LRP1B: variants seen among roughly 807,000 people sequenced by gnomAD.
LRP1B encodes the protein LDL receptor related protein 1B, also known as low-density lipoprotein receptor-related protein 1B.
In LRP1B, 217 loss-of-function variants were observed where a neutral mutation model predicts 556.6. The ratio of observed to expected loss-of-function variants is 0.39; its 90% CI spans 0.35 to 0.44. The LOEUF is 0.44. Among genes scored for constraint, LRP1B ranks in the 20% least tolerant of loss-of-function variants. The pLI is 1.00. For missense variants in LRP1B, 5,053 were observed against 5,620.8 expected (o/e 0.90, Z 3.23); for synonymous variants, 2,047 against 1,865.8 (o/e 1.10, Z -2.50).
At chr2:140,725,957 C>T (rs1030404047) in intron 35 of LRP1B, among the ~76,000 whole-genome samples, 1 of 152,062 alleles carries the variant, frequency 6.6e-6, no homozygotes, top group Admixed American at 6.6e-5. Flanking sequence ...AAATGGCTAC[C>T]CATTAGAACT....
chr2:140,733,785 T>C (rs1383071901), intron 35 of LRP1B, among the ~76,000 whole-genome samples: 1 of 152,182 alleles, frequency 6.6e-6, no homozygotes, highest in Non-Finnish European at 1.5e-5. Context: ...CATCAAAACT[T>C]AATGAAAGGC....
intron 3 of LRP1B, among the ~76,000 whole-genome samples, chr2:141,400,568 A>G (rs911452322): frequency 6.6e-6 from 1 of 152,184 alleles, no homozygotes; most frequent in Non-Finnish European, 1.5e-5. Context: ...TACACCTAAC[A>G]TTTGAGTCAA....
rs2105138090 is a variant in LRP1B, at chr2:140,358,873, C to T, written c.11205G>A (p.Met3735Ile). The change falls in exon 73 of 91, where the codon ATG becomes ATA. Residue 3735 changes from methionine (M) to isoleucine (I), a missense_variant. This residue lies in a region of LRP1B where 599 missense variants were observed against 648.4 expected (regional missense o/e 0.92). Coordinates refer to ENST00000389484, the MANE Select transcript of LRP1B (RefSeq NM_018557.3). Reference sequence around the variant, plus strand: ...CACCGCATTCATCAATCCCATTGCACATTTGCTCCGACTGTAGGCATATTC... The same window carrying T: ...CACCGCATTCATCAATCCCATTGCATATTTGCTCCGACTGTAGGCATATTC... ...NNRICLQSEQ[M>I]CNGIDECGDN... is the part of the protein sequence containing the mutation. The T allele has an allele frequency of 6.2e-7, 1 of 1,609,486 alleles. No homozygotes were observed. Among genetic ancestry groups the T allele is most frequent in the Non-Finnish European group, 8.5e-7 (1 of 1,176,556 alleles).
At chr2:140,837,805 A>AG (rs924190345) in intron 31 of LRP1B, among the ~76,000 whole-genome samples, 1 of 139,030 alleles carries the variant, frequency 7.2e-6, no homozygotes, top group South Asian at 2.5e-4. Flanking sequence ...GGGTGGGGGG[A>AG]GGGGGGAAGG....
chr2:141,541,475 C>G (rs1397771453), intron 2 of LRP1B, among the ~76,000 whole-genome samples: 1 of 151,978 alleles, frequency 6.6e-6, no homozygotes, highest in Non-Finnish European at 1.5e-5. Context: ...AATCCAATGT[C>G]CAGCGTGTTC....
chr2:142,115,527 A>ATATAATATAATTATATATAATATATAT (rs1707171865), intron 1 of LRP1B, among the ~76,000 whole-genome samples: 1 of 54,952 alleles, frequency 1.8e-5, no homozygotes, highest in African/African-American at 5.9e-5. Context: ...CATATATAAT[A>ATATAATATAATTATATATAATATATAT]TATATATTAC....
chr2:141,602,346 G>A (rs2105310656), intron 2 of LRP1B, among the ~76,000 whole-genome samples: 1 of 152,276 alleles, frequency 6.6e-6, no homozygotes, highest in East Asian at 1.9e-4. Context: ...GCTGAGTACT[G>A]AAACTTAAAG....
At position 141,013,232 on chromosome 2, in the gene LRP1B, T is replaced by TA. The variant is rs538120025; in HGVS notation, c.2380+323dup. 4.5e-3 allele frequency among the ~76,000 whole-genome samples: 679 copies of TA among 152,122 alleles called. 9 individuals carry two copies. The highest frequency in any genetic ancestry group is 0.015 in the African/African-American group (629 of 41,558). ...GGAAGTTCTAACATTTAACAATACT[T>TA]ACGCTTTGAAAACATTAAGAGAATT... is the stretch of plus-strand genomic sequence containing the variant. On this transcript the variant is annotated intron_variant, in intron 14 of 90. Coordinates refer to ENST00000389484, the MANE Select transcript of LRP1B (RefSeq NM_018557.3).
intron 2 of LRP1B, among the ~76,000 whole-genome samples, chr2:141,575,210 A>C (rs1021698284): frequency 7.2e-5 from 11 of 152,238 alleles, no homozygotes; most frequent in Non-Finnish European, 1.5e-4. Context: ...ACTGCAAACT[A>C]TACTACAAGG....
In LRP1B at chr2:141,121,833, G is replaced by A. The variant is rs143622711; in HGVS notation, c.1014-59560C>T. Among the ~76,000 whole-genome samples the A allele has an allele frequency of 5.1e-3, 778 of 152,084 alleles. 9 individuals are homozygous for A. The highest frequency in any genetic ancestry group is 0.015 in the African/African-American group (631 of 41,492). ...AAAAGAACAAAGCTGGAGACATCAC[G>A]CTACCTGACTTCATGCTATACTACA... On this transcript the variant is annotated intron_variant, in intron 7 of 90. Coordinates refer to ENST00000389484, the MANE Select transcript of LRP1B (RefSeq NM_018557.3).
intron 2 of LRP1B, among the ~76,000 whole-genome samples, chr2:141,711,173 T>G (rs1692341591): frequency 6.6e-6 from 1 of 152,128 alleles, no homozygotes; most frequent in African/African-American, 2.4e-5. Context: ...TGCAAAACCA[T>G]ACTTGAAACT....
chr2:142,005,248 C>A (rs1702766859), intron 1 of LRP1B, among the ~76,000 whole-genome samples: 1 of 151,820 alleles, frequency 6.6e-6, no homozygotes, highest in African/African-American at 2.4e-5. Flanking sequence ...TATGTAGGCA[C>A]ATTCAATAAG....
At chr2:140,704,268 G>C (rs1206628750) in intron 37 of LRP1B, among the ~76,000 whole-genome samples, 1 of 152,050 alleles carries the variant, frequency 6.6e-6, no homozygotes, top group African/African-American at 2.4e-5. Flanking sequence ...TAAGTACAAA[G>C]TGATACTTAA....
At chr2:140,959,481 T>C (rs1359846720) in intron 18 of LRP1B, among the ~76,000 whole-genome samples, 1 of 151,660 alleles carries the variant, frequency 6.6e-6, no homozygotes, top group African/African-American at 2.4e-5. Flanking sequence ...TAATTACTAC[T>C]AAAATGAATG....
chr2:141,031,814 A>G (rs1698380835), intron 11 of LRP1B, among the ~76,000 whole-genome samples: 1 of 151,930 alleles, frequency 6.6e-6, no homozygotes, highest in South Asian at 2.1e-4. Flanking sequence ...AAATAAAACA[A>G]CACCCATTTA....
intron 2 of LRP1B, among the ~76,000 whole-genome samples, chr2:141,576,783 ACCCTGAAG>A: frequency 1.7e-5 from 1 of 59,448 alleles, no homozygotes; most frequent in South Asian, 3.7e-4. Flanking sequence ...CTTCAGTCTG[ACCCTGAAG>A]CATACATTAA....
chr2:141,885,759 C>T (rs1354809791), intron 1 of LRP1B, among the ~76,000 whole-genome samples: 1 of 152,148 alleles, frequency 6.6e-6, no homozygotes, highest in Non-Finnish European at 1.5e-5. Flanking sequence ...ATTCTACTTT[C>T]CCAGTTCATT....
chr2:141,814,758 G>T (rs1390448012), intron 1 of LRP1B, among the ~76,000 whole-genome samples: 1 of 152,110 alleles, frequency 6.6e-6, no homozygotes, highest in Non-Finnish European at 1.5e-5. Flanking sequence ...TCAGGAGACT[G>T]GGTAAAACTG....
At position 141,881,664 on chromosome 2, in the gene LRP1B, G is replaced by GA. The variant is rs566539215; in HGVS notation, c.83-71264dup. On this transcript the variant is annotated intron_variant, in intron 1 of 90. Coordinates refer to ENST00000389484, the MANE Select transcript of LRP1B (RefSeq NM_018557.3). Reference sequence around the variant, plus strand: ...AATTTTAAAAAATATATTATTAGGTGAAAAAAAAACATTGCAGGTTTAGAA... The same window carrying GA: ...AATTTTAAAAAATATATTATTAGGTGAAAAAAAAAACATTGCAGGTTTAGAA... 4.6e-3 allele frequency among the ~76,000 whole-genome samples: 692 copies of GA among 149,560 alleles called. 8 individuals carry two copies. Among genetic ancestry groups the GA allele is most frequent in the African/African-American group, 0.016 (652 of 40,754 alleles).
Sources: gnomAD v4.1 joint callset for allele counts (sites outside exome capture counted in the v4.1 genomes callset) on GRCh38, gnomAD v4.1.1 for gene constraint, gnomAD v4.1.1 regional missense constraint, MANE v1.5 for transcripts, NCBI Gene and HGNC (gene_info 2026-07-23, HGNC 2026-07-21) for gene names.